DYRK4: variants seen among roughly 807,000 people sequenced by gnomAD.
DYRK4 encodes the protein dual specificity tyrosine phosphorylation regulated kinase 4.
Under a neutral mutation model 68.3 loss-of-function variants are expected in DYRK4, and 64 were observed. That is an observed-to-expected ratio of 0.94 (90% CI 0.77 to 1.15). The LOEUF (loss-of-function observed/expected upper bound fraction) is 1.15. DYRK4 is among the 50% of genes most tolerant of loss of function. The pLI, the probability that DYRK4 is intolerant of heterozygous loss-of-function variation, is 0.00. For synonymous variants in DYRK4, 274 were observed against 289.9 expected (o/e 0.95, Z 0.56); for missense variants, 740 against 764.7 (o/e 0.97, Z 0.38).
intron 7 of DYRK4, 114 bp downstream of exon 7, chr12:4,596,399 C>G: frequency 6.5e-7 from 1 of 1,547,452 alleles, no homozygotes; most frequent in South Asian, 1.3e-5. Context: ...TTTTGTCTTC[C>G]CTTTTCTCTT....
At chr12:4,573,741 A>C (rs1230514508) in intron 2 of DYRK4, among the ~76,000 whole-genome samples, 1 of 152,210 alleles carries the variant, frequency 6.6e-6, no homozygotes, top group Non-Finnish European at 1.5e-5. Context: ...GTAGCCAGGC[A>C]CCTGAAGTCA....
intron 8 of DYRK4, chr12:4,597,248 G>A (rs534211116): frequency 1.5e-6 from 1 of 672,274 alleles, no homozygotes; most frequent in Non-Finnish European, 1.8e-6. Context: ...AGCTGACAAG[G>A]CATGCTACTT....
chr12:4,572,415 G>A (rs1944740091), intron 2 of DYRK4, among the ~76,000 whole-genome samples: 1 of 152,094 alleles, frequency 6.6e-6, no homozygotes, highest in African/African-American at 2.4e-5. Context: ...CGGAGTAGCT[G>A]GGACTACAGG....
At chr12:4,571,837 G>A (rs1311593132) in intron 2 of DYRK4, among the ~76,000 whole-genome samples, 2 of 152,142 alleles carry the variant, frequency 1.3e-5, no homozygotes, top group South Asian at 2.1e-4. Flanking sequence ...CTATTGGACA[G>A]TGCTGCTCTA....
rs1011917098 is a variant in DYRK4 at position 4,568,273 on chromosome 12, G to T, written c.132+225G>T. On this transcript the variant is annotated intron_variant, in intron 2 of 14. Transcript: ENST00000543431. ...TAACAGGTAAGCTGTATTCCAGAAG[G>T]CCCTGGGTGAGTGCATCCATGGTAT... Among the ~76,000 whole-genome samples, 11 of 152,202 alleles carry T rather than the reference G, an allele frequency of 7.2e-5. 1 individual carries two copies. Among genetic ancestry groups the T allele is most frequent in the African/African-American group, 2.7e-4 (11 of 41,448 alleles).
At chr12:4,562,331 C>T (rs754608675) in intron 1 of DYRK4, 48 bp downstream of exon 1, 4 of 1,509,954 alleles carry the variant, frequency 2.6e-6, no homozygotes, top group Non-Finnish European at 3.5e-6. Flanking sequence ...GGCGCGAGTA[C>T]GAGGCAGGCG....
intron 2 of DYRK4, among the ~76,000 whole-genome samples, chr12:4,586,016 C>A (rs887798388): frequency 6.6e-6 from 1 of 152,080 alleles, no homozygotes; most frequent in African/African-American, 2.4e-5. Flanking sequence ...GAGTTTGAGA[C>A]CAGCCTGGGA....
chr12:4,608,550 A>G (rs1380474054), intron 12 of DYRK4, among the ~76,000 whole-genome samples: 1 of 152,074 alleles, frequency 6.6e-6, no homozygotes, highest in Non-Finnish European at 1.5e-5. Flanking sequence ...CTATTTCTGT[A>G]CCATTTGGTA....
intron 10 of DYRK4, chr12:4,602,809 A>T: frequency 7.1e-7 from 1 of 1,412,506 alleles, no homozygotes; most frequent in Admixed American, 1.7e-5. Context: ...TTCCATTAAT[A>T]AGTGACAGGA....
chr12:4,610,025 G>A (rs906770256), intron 12 of DYRK4, 130 bp from the exon 13 acceptor site: 1 of 591,570 alleles, frequency 1.7e-6, no homozygotes, highest in Non-Finnish European at 2.8e-6. Flanking sequence ...TGTGTTTATT[G>A]GGGTGTGGCA....
intron 8 of DYRK4, chr12:4,597,242 G>A (rs899553303): frequency 1.4e-6 from 1 of 698,062 alleles, no homozygotes; most frequent in African/African-American, 1.9e-5. Context: ...TATTGGAGCT[G>A]ACAAGGCATG....
In DYRK4 at chr12:4,577,205, A is replaced by AT. The variant is rs949936572; in HGVS notation, c.132+9166dup. 6.6e-5 allele frequency among the ~76,000 whole-genome samples: 10 copies of AT among 151,378 alleles called. No homozygotes were observed. The East Asian group carries it at 9.7e-4, about 15-fold the overall frequency. On this transcript the variant is annotated intron_variant, in intron 2 of 14. Transcript: ENST00000543431. ...AGGTATAAATTCTGTGTCTAGATTA[A>AT]TTTTTTTTTGTGGATGTCCAATTGT...
chr12:4,570,155 C>T (rs1037444850), intron 2 of DYRK4, among the ~76,000 whole-genome samples: 20 of 151,824 alleles, frequency 1.3e-4, no homozygotes, highest in Admixed American at 3.9e-4. Context: ...GTAGTAGGAT[C>T]GCTTGAGCCC....
chr12:4,587,364 G>C (rs1160818566), intron 2 of DYRK4, among the ~76,000 whole-genome samples: 4 of 152,124 alleles, frequency 2.6e-5, no homozygotes, highest in African/African-American at 9.7e-5. Context: ...ATCCTCCTGG[G>C]CCGATTGCAT....
intron 9 of DYRK4, among the ~76,000 whole-genome samples, chr12:4,599,432 C>T (rs750401244): frequency 2.6e-5 from 4 of 152,086 alleles, no homozygotes; most frequent in Admixed American, 1.3e-4. Context: ...AAGTCACTAT[C>T]TTCAGGAGTT....
intron 6 of DYRK4, among the ~76,000 whole-genome samples, chr12:4,594,578 C>G (rs186808495): frequency 6.6e-6 from 1 of 152,148 alleles, no homozygotes; most frequent in Non-Finnish European, 1.5e-5. Flanking sequence ...CTCAACCCCT[C>G]CCTCCCTGCT....
intron 8 of DYRK4, among the ~76,000 whole-genome samples, chr12:4,597,496 G>A (rs1203762526): frequency 1.3e-5 from 2 of 152,226 alleles, no homozygotes; most frequent in East Asian, 3.8e-4. Flanking sequence ...TTATTACAAA[G>A]CGTGGTCGAG....
intron 12 of DYRK4, 28 bp from the exon 13 acceptor site, chr12:4,610,127 C>A: frequency 6.5e-7 from 1 of 1,549,138 alleles, no homozygotes; most frequent in South Asian, 1.3e-5. Flanking sequence ...ACACCTGAAA[C>A]TAAATACAGA....
At chr12:4,575,508 A>G (rs1944780098) in intron 2 of DYRK4, among the ~76,000 whole-genome samples, 1 of 151,950 alleles carries the variant, frequency 6.6e-6, no homozygotes, top group Non-Finnish European at 1.5e-5. Flanking sequence ...ACGGGGTTTC[A>G]CTATGTTGGC....
Sources: allele counts gnomAD v4.1 joint callset (sites outside exome capture counted in the v4.1 genomes callset), GRCh38; gene constraint gnomAD v4.1.1; transcripts MANE v1.5; gene names NCBI Gene and HGNC (gene_info 2026-07-23, HGNC 2026-07-21).